GRM7: variants seen among roughly 807,000 people sequenced by gnomAD.
GRM7 encodes glutamate metabotropic receptor 7, also known as metabotropic glutamate receptor 7.
Under a neutral mutation model 84.5 loss-of-function variants are expected in GRM7, and 35 were observed. The observed-to-expected ratio is 0.41, with a 90% confidence interval of 0.32 to 0.55. The LOEUF (loss-of-function observed/expected upper bound fraction) is 0.55. Ranked by LOEUF, GRM7 falls within the 20% of genes least tolerant of loss-of-function variation. The pLI is 0.19. For synonymous variants in GRM7, 487 were observed against 455.1 expected, an observed-to-expected ratio of 1.07 and a Z score of -0.89; for missense variants, 1,003 against 1,194.6, an observed-to-expected ratio of 0.84 and a Z score of 2.36.
At chr3:7,428,384 G>C (rs1696697567) in intron 5 of GRM7, among the ~76,000 whole-genome samples, 1 of 152,184 alleles carries the variant, frequency 6.6e-6, no homozygotes, top group South Asian at 2.1e-4. Context: ...GGGACAGCCT[G>C]TTTGATTGTT....
intron 8 of GRM7, among the ~76,000 whole-genome samples, chr3:7,622,598 G>C (rs1035611800): frequency 6.6e-6 from 1 of 152,050 alleles, no homozygotes; most frequent in African/African-American, 2.4e-5. Flanking sequence ...CGGTGGAATT[G>C]ACATATTTTC....
At chr3:7,468,751 G>A (rs932812286) in intron 7 of GRM7, among the ~76,000 whole-genome samples, 1 of 152,008 alleles carries the variant, frequency 6.6e-6, no homozygotes, top group East Asian at 1.9e-4. Flanking sequence ...TAGTGAGTGA[G>A]TTTTCATGAG....
At chr3:7,221,110 C>A (rs146226836) in intron 2 of GRM7, among the ~76,000 whole-genome samples, 1 of 151,908 alleles carries the variant, frequency 6.6e-6, no homozygotes, top group African/African-American at 2.4e-5. Flanking sequence ...CAAAACAAAA[C>A]AAAAGAAAAG....
intron 1 of GRM7, among the ~76,000 whole-genome samples, chr3:7,119,693 A>C (rs992004191): frequency 1.3e-5 from 2 of 152,092 alleles, no homozygotes; most frequent in Non-Finnish European, 2.9e-5. Flanking sequence ...GGATTAACCT[A>C]ATTGTTTCTG....
At chr3:7,352,274 G>A (rs1693195565) in intron 4 of GRM7, among the ~76,000 whole-genome samples, 1 of 152,056 alleles carries the variant, frequency 6.6e-6, no homozygotes, top group South Asian at 2.1e-4. Context: ...AAATGCATTT[G>A]ATATTCCTAA....
chr3:7,585,753 C>G (rs1695489753), intron 8 of GRM7, among the ~76,000 whole-genome samples: 1 of 152,172 alleles, frequency 6.6e-6, no homozygotes, highest in Admixed American at 6.5e-5. Flanking sequence ...CTAGGATAAA[C>G]TGACACATCT....
intron 1 of GRM7, among the ~76,000 whole-genome samples, chr3:7,058,233 TTAGA>T (rs2124965482): frequency 6.6e-6 from 1 of 152,052 alleles, no homozygotes; most frequent in Admixed American, 6.6e-5. Flanking sequence ...AACCACATAA[TTAGA>T]TAGAATTCCC....
At chr3:7,405,952 T>C (rs1022899808) in intron 4 of GRM7, among the ~76,000 whole-genome samples, 1 of 151,706 alleles carries the variant, frequency 6.6e-6, no homozygotes, top group South Asian at 2.1e-4. Context: ...TTAGATAATG[T>C]AGTGAATATT....
chr3:7,592,489 T>C (rs1695841573), intron 8 of GRM7, among the ~76,000 whole-genome samples: 1 of 152,074 alleles, frequency 6.6e-6, no homozygotes. Flanking sequence ...TAGTGTGAGC[T>C]AGGATGGGCA....
At chr3:6,996,527 A>C (rs17752444) in intron 1 of GRM7, among the ~76,000 whole-genome samples, 1 of 152,084 alleles carries the variant, frequency 6.6e-6, no homozygotes. Context: ...ATGTCATACT[A>C]TTGGGAGTTT....
chr3:7,689,020 T>C (rs577233975), intron 9 of GRM7, among the ~76,000 whole-genome samples: 59 of 152,362 alleles, frequency 3.9e-4, no homozygotes, highest in African/African-American at 1.3e-3. Flanking sequence ...CAAAGTGTTA[T>C]CAACCTAATG....
chr3:7,651,239 G>A (rs1698923850), intron 8 of GRM7, among the ~76,000 whole-genome samples: 1 of 152,136 alleles, frequency 6.6e-6, no homozygotes, highest in African/African-American at 2.4e-5. Flanking sequence ...AAAGCCACAA[G>A]ATAGGTGGGA....
chr3:6,934,251 C>G (rs1697608174), intron 1 of GRM7, among the ~76,000 whole-genome samples: 1 of 152,060 alleles, frequency 6.6e-6, no homozygotes, highest in African/African-American at 2.4e-5. Context: ...ATGGATGAGC[C>G]ATAAGAAAAT....
At chr3:7,578,125 G>C (rs753099910) in intron 7 of GRM7, among the ~76,000 whole-genome samples, 1 of 152,046 alleles carries the variant, frequency 6.6e-6, no homozygotes, top group East Asian at 1.9e-4. Context: ...CAGCCCCTAA[G>C]GTTCTTTTTC....
At chr3:7,721,739 G>T (rs1409411579) in intron 9 of GRM7, among the ~76,000 whole-genome samples, 2 of 152,170 alleles carry the variant, frequency 1.3e-5, no homozygotes, top group Non-Finnish European at 2.9e-5. Context: ...ATGATTCCCA[G>T]TTCCAGTATT....
At chr3:6,935,542 T>C (rs550863908) in intron 1 of GRM7, among the ~76,000 whole-genome samples, 1 of 151,986 alleles carries the variant, frequency 6.6e-6, no homozygotes, top group Non-Finnish European at 1.5e-5. Flanking sequence ...CCTTTTTACC[T>C]GCTCTGTGAA....
chr3:7,076,392 C>A (rs73029540), intron 1 of GRM7, among the ~76,000 whole-genome samples: 23,779 of 152,044 alleles, frequency 0.16, 2,163 homozygotes, highest in South Asian at 0.21. Flanking sequence ...CAGTTTCCCC[C>A]ATGCTGTTCT....
chr3:7,416,078 G>A (rs547007484), intron 5 of GRM7, among the ~76,000 whole-genome samples: 5 of 152,096 alleles, frequency 3.3e-5, no homozygotes, highest in Admixed American at 6.6e-5. Flanking sequence ...TAAATGGCTT[G>A]CAGTAGGAGG....
intron 5 of GRM7, among the ~76,000 whole-genome samples, chr3:7,416,666 A>G (rs990773742): frequency 6.6e-6 from 1 of 152,168 alleles, no homozygotes; most frequent in Non-Finnish European, 1.5e-5. Context: ...CATATATTAA[A>G]GGTATCATTC....
Sources: allele counts gnomAD v4.1 joint callset (sites outside exome capture counted in the v4.1 genomes callset), GRCh38; gene constraint gnomAD v4.1.1; transcripts MANE v1.5; gene names NCBI Gene and HGNC (gene_info 2026-07-23, HGNC 2026-07-21).